Variants in MCC observed in about 807,000 individuals in gnomAD.
MCC encodes MCC regulator of Wnt signaling pathway.
Under a neutral mutation model 116.2 loss-of-function variants are expected in MCC, and 90 were observed. The ratio of observed to expected loss-of-function variants is 0.77; its 90% CI spans 0.65 to 0.92. The LOEUF is 0.92. Ranked by LOEUF, MCC falls within the 40% of genes least tolerant of loss-of-function variation. The probability of loss-of-function intolerance (pLI) is 0.00; values close to 1 mark genes in which losing one functional copy is unlikely to be tolerated. For missense variants in MCC, 1,516 were observed against 1,312.2 expected (o/e 1.16, Z -2.40); for synonymous variants, 578 against 510.5 (o/e 1.13, Z -1.78).
At chr5:113,087,451 T>C (rs187246338) in intron 8 of MCC, among the ~76,000 whole-genome samples, 173 of 152,236 alleles carry the variant, frequency 1.1e-3, no homozygotes, top group African/African-American at 4.0e-3. Flanking sequence ...TGATGAAGGA[T>C]TACAGGACTC....
chr5:113,333,838 T>TATATGTAC (rs1554076897), intron 3 of MCC, among the ~76,000 whole-genome samples: 2 of 28,834 alleles, frequency 6.9e-5, no homozygotes, highest in Non-Finnish European at 2.1e-4. Flanking sequence ...TATATATGTA[T>TATATGTAC]ATATGTATAT....
At chr5:113,200,329 C>A (rs1762621917) in intron 3 of MCC, among the ~76,000 whole-genome samples, 1 of 152,092 alleles carries the variant, frequency 6.6e-6, no homozygotes, top group Non-Finnish European at 1.5e-5. Context: ...CAGGCAGGTA[C>A]AGTTTGTTCA....
chr5:113,375,503 A>C (rs1200556051), intron 2 of MCC, among the ~76,000 whole-genome samples: 2 of 152,178 alleles, frequency 1.3e-5, no homozygotes, highest in Non-Finnish European at 2.9e-5. Flanking sequence ...GTTTCTCGTG[A>C]TTCTGGGGGT....
intron 3 of MCC, among the ~76,000 whole-genome samples, chr5:113,169,798 T>C (rs2150302720): frequency 6.6e-6 from 1 of 152,270 alleles, no homozygotes; most frequent in East Asian, 1.9e-4. Context: ...TAGTCAACAA[T>C]CAGAGGGCTG....
chr5:113,263,215 A>C (rs1449789622), intron 3 of MCC, among the ~76,000 whole-genome samples: 1 of 152,190 alleles, frequency 6.6e-6, no homozygotes, highest in African/African-American at 2.4e-5. Flanking sequence ...GAGAAGGTAG[A>C]CAGCTTTCAA....
At position 113,104,254 on chromosome 5, in the gene MCC, C is replaced by A; in HGVS notation, c.1129G>T (p.Glu377Ter). 1 of 1,614,084 alleles carries A rather than the reference C, an allele frequency of 6.2e-7. No individual in the cohort carries two copies. Among genetic ancestry groups the A allele is most frequent in the Non-Finnish European group, 8.5e-7 (1 of 1,180,026 alleles). ...KKSSCSLSVA[E>*]VDKHIEQLTT... is the part of the protein sequence containing the mutation. ...AGCTGCTCAATGTGCTTGTCCACCTCGGCCACGGAGAGGCTGCAGCTGCTC... is the reference window on the plus strand; with the variant it reads ...AGCTGCTCAATGTGCTTGTCCACCTAGGCCACGGAGAGGCTGCAGCTGCTC... Residue 377 changes from glutamate (E) to a stop codon, truncating the protein, a stop_gained, in exon 7 of 19, where the codon GAG becomes TAG. Coordinates refer to ENST00000408903, the MANE Select transcript of MCC (RefSeq NM_001085377.2). LOFTEE classifies it high-confidence loss of function.
At chr5:113,299,293 A>C (rs1054522586) in intron 3 of MCC, among the ~76,000 whole-genome samples, 18 of 6,500 alleles carry the variant, frequency 2.8e-3, no homozygotes, top group Non-Finnish European at 5.4e-3. Flanking sequence ...ACTCCGTCTC[A>C]AAAAAAAAAA....
At chr5:113,057,813 G>A (rs1228819283) in intron 14 of MCC, among the ~76,000 whole-genome samples, 2 of 152,230 alleles carry the variant, frequency 1.3e-5, no homozygotes, top group Admixed American at 6.5e-5. Context: ...TTCCACAGGC[G>A]AACGCGCGAC....
intron 5 of MCC, among the ~76,000 whole-genome samples, chr5:113,127,784 G>C (rs1195020949): frequency 6.6e-6 from 1 of 152,144 alleles, no homozygotes; most frequent in African/African-American, 2.4e-5. Flanking sequence ...TTCTCCCATT[G>C]TGTAAGTTGT....
intron 3 of MCC, among the ~76,000 whole-genome samples, chr5:113,247,689 C>G (rs665394): frequency 0.25 from 37,794 of 151,780 alleles, 4,911 homozygotes; most frequent in African/African-American, 0.31. Flanking sequence ...CACAGAGGGA[C>G]AGATGGATGT....
At chr5:113,298,667 G>A (rs1223307762) in intron 3 of MCC, among the ~76,000 whole-genome samples, 1 of 152,156 alleles carries the variant, frequency 6.6e-6, no homozygotes, top group Non-Finnish European at 1.5e-5. Flanking sequence ...AAAACTATGA[G>A]ATTAGCTTTG....
At chr5:113,058,301 T>C (rs1199537940) in intron 14 of MCC, among the ~76,000 whole-genome samples, 1 of 152,218 alleles carries the variant, frequency 6.6e-6, no homozygotes, top group Non-Finnish European at 1.5e-5. Flanking sequence ...AGATTTTCCA[T>C]TTAGCAGGAC....
At position 113,056,753 on chromosome 5, in the gene MCC, AC is replaced by A. The variant is rs1319091204; in HGVS notation, c.2214-2795del. ...AAGTAAAAAAAAAATAGAAATGTTTACAACAGTGCCCAGCACATAGTAAGCA... is the reference window on the plus strand; with the variant it reads ...AAGTAAAAAAAAAATAGAAATGTTTAAACAGTGCCCAGCACATAGTAAGCA... On this transcript the variant is annotated intron_variant, in intron 14 of 18. Transcript: ENST00000408903. 2.0e-5 allele frequency among the ~76,000 whole-genome samples: 3 copies of A among 152,360 alleles called. No individual in the cohort carries two copies. In the East Asian group the frequency reaches 5.8e-4, roughly 29 times the overall value.
chr5:113,056,429 T>C (rs888623723), intron 14 of MCC, among the ~76,000 whole-genome samples: 2 of 152,162 alleles, frequency 1.3e-5, no homozygotes, highest in African/African-American at 4.8e-5. Flanking sequence ...TGCAGAAACA[T>C]GGATGAAGCG....
At chr5:113,043,332 T>A (rs1197096086) in intron 17 of MCC, among the ~76,000 whole-genome samples, 198 bp downstream of exon 17, 2 of 152,310 alleles carry the variant, frequency 1.3e-5, no homozygotes, top group African/African-American at 4.8e-5. Context: ...ACTGCCTAAG[T>A]GCTGTCTCTT....
At chr5:113,287,016 CTTTTTTCTTTTT>C (rs772062162) in intron 3 of MCC, among the ~76,000 whole-genome samples, 5,499 of 149,332 alleles carry the variant, frequency 0.037, 268 homozygotes, top group African/African-American at 0.11. Flanking sequence ...ACATTACTTG[CTTTTTTCTTTTT>C]TTCACCCCCA....
chr5:113,363,300 CA>C (rs951323685), intron 2 of MCC, among the ~76,000 whole-genome samples: 8 of 151,878 alleles, frequency 5.3e-5, no homozygotes, highest in Middle Eastern at 3.4e-3. Flanking sequence ...AAAAAACAAA[CA>C]AAAAAAACCC....
chr5:113,264,501 CT>C (rs943341184), intron 3 of MCC, among the ~76,000 whole-genome samples: 1 of 152,150 alleles, frequency 6.6e-6, no homozygotes, highest in African/African-American at 2.4e-5. Flanking sequence ...ATATTAAGGA[CT>C]TACACTCAAT....
At chr5:113,051,907 GCA>G (rs1752512812) in intron 15 of MCC, among the ~76,000 whole-genome samples, 1 of 152,028 alleles carries the variant, frequency 6.6e-6, no homozygotes, top group African/African-American at 2.4e-5. Context: ...GTATGGGTGA[GCA>G]CACATCCCCA....
Sources: allele counts gnomAD v4.1 joint callset (sites outside exome capture counted in the v4.1 genomes callset), GRCh38; gene constraint gnomAD v4.1.1; transcripts MANE v1.5; gene names NCBI Gene and HGNC (gene_info 2026-07-23, HGNC 2026-07-21).